Variants in HIVEP1 observed in about 807,000 individuals in gnomAD.
The protein encoded by HIVEP1 is HIVEP zinc finger 1, also known as zinc finger protein 40.
A neutral mutation model predicts 180.0 loss-of-function variants in HIVEP1; 36 were observed. The ratio of observed to expected loss-of-function variants is 0.20; its 90% CI spans 0.15 to 0.26. HIVEP1 has a LOEUF of 0.26. Among genes scored for constraint, HIVEP1 ranks in the 10% least tolerant of loss-of-function variants. HIVEP1 has a pLI of 1.00. For synonymous variants in HIVEP1, 1,239 were observed against 1,239.0 expected, an observed-to-expected ratio of 1.00 and a Z score of 0.00; for missense variants, 3,143 against 3,268.7, an observed-to-expected ratio of 0.96 and a Z score of 0.94.
the HIVEP1 span, among the ~76,000 whole-genome samples, chr6:12,171,946 A>G: frequency 3.4e-4 from 52 of 152,104 alleles, no homozygotes; most frequent in Non-Finnish European, 7.4e-5. Flanking sequence ...TTGATTCTCA[A>G]GCGAGTTCTG....
chr6:12,122,030 G>A lies in HIVEP1; in HGVS notation c.2235G>A (p.Glu745=). The A allele has an allele frequency of 6.2e-7, 1 of 1,614,138 alleles. No individual in the cohort carries two copies. Among genetic ancestry groups the A allele is most frequent in the African/African-American group, 1.3e-5 (1 of 75,034 alleles). ...CACCTTTGGCCACAAAAACACTTGA[G>A]GAGCGGATATCGAAGCTTATCTCAG... ...MRPPLATKTL[E]ERISKLISDN... Residue 745 remains glutamate (E), a synonymous_variant, in exon 4 of 9, where the codon GAG becomes GAA. Transcript: ENST00000379388.
chr6:12,198,803 T>A, the HIVEP1 span, among the ~76,000 whole-genome samples: 137,268 of 152,274 alleles, frequency 0.9, 62,250 homozygotes, highest in East Asian at 0.97. Context: ...CTTTATTCAG[T>A]GTCTACTGAT....
In HIVEP1 at chr6:12,164,164, T is replaced by G; in HGVS notation, c.7860T>G (p.Pro2620=). The part of the protein sequence containing the change: ...NAKKVLNPPA[P]AGDHARLDGL... ...AAAAAGTTCTGAATCCACCTGCCCC[T>G]GCAGGTGACCATGCAAGGCTTGATG... The change falls in exon 9 of 9, where the codon CCT becomes CCG. Residue 2620 remains proline (P), a synonymous_variant. Coordinates refer to ENST00000379388, the MANE Select transcript of HIVEP1 (RefSeq NM_002114.4). The G allele has an allele frequency of 1.9e-6, 3 of 1,614,190 alleles. No individual in the cohort carries two copies. The highest frequency in any genetic ancestry group is 2.5e-6 in the Non-Finnish European group (3 of 1,180,018).
rs1482223929 is a variant in HIVEP1 at position 12,074,628 on chromosome 6, G to GTA, written c.41-14555_41-14554insAT. Among the ~76,000 whole-genome samples, 57 of 147,972 alleles carry GTA rather than the reference G, an allele frequency of 3.9e-4. 1 individual carries two copies. Among genetic ancestry groups the GTA allele is most frequent in the Admixed American group, 3.8e-3 (57 of 14,912 alleles). Reference sequence around the variant, plus strand: ...CTTAATTGTATGAAAAAGTGTGTGTGTGTGTGTGTGTGTGTGCGCGCGCGT... The same window carrying GTA: ...CTTAATTGTATGAAAAAGTGTGTGTGTATGTGTGTGTGTGTGTGCGCGCGCGT... On this transcript the variant is annotated intron_variant, in intron 2 of 8. Coordinates refer to ENST00000379388, the MANE Select transcript of HIVEP1 (RefSeq NM_002114.4).
rs1196583484 is a variant in HIVEP1, at chr6:12,124,837, A to G, written c.5042A>G (p.Glu1681Gly). 1 of 1,614,248 alleles carries G rather than the reference A, an allele frequency of 6.2e-7. No homozygotes were observed. Among genetic ancestry groups the G allele is most frequent in the Middle Eastern group, 1.6e-4 (1 of 6,062 alleles). ...QTNHSVVPIS[E>G]EQNSVPTLQK... ...AATCATAGTGTAGTGCCAATCAGTGAAGAACAAAATTCTGTGCCAACATTA... is the reference window on the plus strand; with the variant it reads ...AATCATAGTGTAGTGCCAATCAGTGGAGAACAAAATTCTGTGCCAACATTA... The change falls in exon 4 of 9, where the codon GAA becomes GGA. Residue 1681 changes from glutamate (E) to glycine (G), a missense_variant. Physicochemically the swap from Glu to Gly is moderately conservative, Grantham distance 98. This residue lies in a region of HIVEP1 where 1,357 missense variants were observed against 1,260.5 expected (regional missense o/e 1.08). Transcript: ENST00000379388.
chr6:12,072,811 A>G (rs1327879243), intron 2 of HIVEP1, among the ~76,000 whole-genome samples: 4 of 151,948 alleles, frequency 2.6e-5, no homozygotes, highest in African/African-American at 9.7e-5. Flanking sequence ...TTCTTTTTAG[A>G]GTTTCTATAT....
At position 12,121,674 on chromosome 6, in the gene HIVEP1, G is replaced by A. The variant is rs201768344; in HGVS notation, c.1879G>A (p.Asp627Asn). The change falls in exon 4 of 9, where the codon GAC becomes AAC. Residue 627 changes from aspartate to asparagine, a missense_variant. Around this residue, in one of 12 missense-constraint regions of HIVEP1, gnomAD observed 365 missense variants for 344.4 expected, o/e 1.06. Coordinates refer to ENST00000379388, the MANE Select transcript of HIVEP1 (RefSeq NM_002114.4). This position sits in a 1 kb window ranked among gnomAD's most constrained non-coding sequence, Gnocchi z 5.3. ...ETNENSHQKGDMNPLEGKQDS... is the reference protein window; with the variant it reads ...ETNENSHQKGNMNPLEGKQDS... ...TAATGAGAATTCCCACCAGAAAGGC[G>A]ACATGAATCCACTGGAAGGAAAGCA... 67 of 1,614,008 alleles carry A rather than the reference G, an allele frequency of 4.2e-5. No individual in the cohort carries two copies. The highest frequency in any genetic ancestry group is 8.9e-5 in the East Asian group (4 of 44,878).
At chr6:12,148,338 G>T (rs1010075690) in intron 7 of HIVEP1, among the ~76,000 whole-genome samples, 3 of 152,174 alleles carry the variant, frequency 2.0e-5, no homozygotes, top group African/African-American at 7.2e-5. Context: ...GGGGATACCT[G>T]CCCCTCTTGG....
At chr6:12,067,466 C>T (rs1381914662) in intron 2 of HIVEP1, among the ~76,000 whole-genome samples, 1 of 151,846 alleles carries the variant, frequency 6.6e-6, no homozygotes, top group Non-Finnish European at 1.5e-5. Flanking sequence ...ACTATTTAAA[C>T]AATGTAGTTA....
the HIVEP1 span, among the ~76,000 whole-genome samples, chr6:12,203,252 A>G: frequency 6.6e-6 from 1 of 152,210 alleles, no homozygotes; most frequent in Non-Finnish European, 1.5e-5. Context: ...CTGTCCCAGA[A>G]AGATCCGTAT....
intron 3 of HIVEP1, among the ~76,000 whole-genome samples, chr6:12,108,566 G>A (rs959795517): frequency 6.6e-6 from 1 of 152,228 alleles, no homozygotes; most frequent in Non-Finnish European, 1.5e-5. Flanking sequence ...GCGAGAAATC[G>A]AGCGCAGCGC....
intron 2 of HIVEP1, among the ~76,000 whole-genome samples, chr6:12,023,978 G>T (rs2113613530): frequency 6.6e-6 from 1 of 152,266 alleles, no homozygotes; most frequent in Non-Finnish European, 1.5e-5. Flanking sequence ...GTATTATGCA[G>T]AAAAATATTT....
intron 3 of HIVEP1, among the ~76,000 whole-genome samples, chr6:12,107,919 C>T (rs899069488): frequency 1.7e-4 from 26 of 152,146 alleles, no homozygotes; most frequent in Non-Finnish European, 1.5e-5. Flanking sequence ...AAAGGTTCTC[C>T]ACGTCCCCAC....
chr6:12,022,834 A>T (rs540149569), intron 2 of HIVEP1, among the ~76,000 whole-genome samples: 1 of 152,320 alleles, frequency 6.6e-6, no homozygotes, highest in South Asian at 2.1e-4. Context: ...TGTTCTGACT[A>T]TTCAAAGGTT....
intron 2 of HIVEP1, among the ~76,000 whole-genome samples, chr6:12,073,228 T>C (rs1340970861): frequency 5.3e-5 from 8 of 152,328 alleles, no homozygotes; most frequent in Admixed American, 1.3e-4. Context: ...GGCTACTCTA[T>C]CCCTGGCAGG....
chr6:12,089,890 C>T (rs1773358763), intron 3 of HIVEP1, among the ~76,000 whole-genome samples: 1 of 151,906 alleles, frequency 6.6e-6, no homozygotes. Context: ...ACAGAGGCTT[C>T]TGTGAGATTG....
At chr6:12,074,368 C>A (rs1475231041) in intron 2 of HIVEP1, among the ~76,000 whole-genome samples, 3 of 151,934 alleles carry the variant, frequency 2.0e-5, no homozygotes, top group Non-Finnish European at 2.9e-5. Flanking sequence ...ACTTATTTTT[C>A]CGTATGGCAA....
chr6:12,197,887 A>G, the HIVEP1 span, among the ~76,000 whole-genome samples: 39 of 152,278 alleles, frequency 2.6e-4, no homozygotes, highest in African/African-American at 8.9e-4. Context: ...TTTGAAAGCT[A>G]TTTAGGAGGT....
chr6:12,100,810 T>C (rs894320871), intron 3 of HIVEP1, among the ~76,000 whole-genome samples: 6 of 152,172 alleles, frequency 3.9e-5, no homozygotes, highest in Admixed American at 1.3e-4. Context: ...AGCACTAATA[T>C]GATGCTCAAA....
Sources: gnomAD v4.1 joint callset for allele counts (sites outside exome capture counted in the v4.1 genomes callset) on GRCh38, gnomAD v4.1.1 for gene constraint, gnomAD v4.1.1 regional missense constraint, Gnocchi (gnomAD v3.1) non-coding constraint, MANE v1.5 for transcripts, NCBI Gene and HGNC (gene_info 2026-07-23, HGNC 2026-07-21) for gene names.